The following RPS6KC1 variants were observed in gnomAD, a reference collection of about 807,000 sequenced individuals.
The protein encoded by RPS6KC1 is inactive ribosomal protein S6 kinase delta-1.
Under a neutral mutation model 103.8 loss-of-function variants are expected in RPS6KC1, and 54 were observed. That is an observed-to-expected ratio of 0.52 (90% confidence interval 0.42 to 0.65). The LOEUF is 0.65. Among genes scored for constraint, RPS6KC1 ranks in the 30% least tolerant of loss-of-function variants. The pLI is 0.00. For synonymous variants in RPS6KC1, 439 were observed against 438.7 expected (o/e 1.00, Z -0.01); for missense variants, 1,151 against 1,253.8 (o/e 0.92, Z 1.24).
the RPS6KC1 span, among the ~76,000 whole-genome samples, chr1:213,617,124 C>T: frequency 6.6e-6 from 1 of 152,152 alleles, no homozygotes; most frequent in African/African-American, 2.4e-5. Context: ...CCCCTATCTC[C>T]TAAGACAAAA....
chr1:213,762,178 G>A, the RPS6KC1 span, among the ~76,000 whole-genome samples: 1 of 152,192 alleles, frequency 6.6e-6, no homozygotes, highest in Admixed American at 6.5e-5. Context: ...CCTTGCATAA[G>A]CAGTGCCCTC....
At chr1:213,397,355 T>C in the RPS6KC1 span, among the ~76,000 whole-genome samples, 921 of 152,230 alleles carry the variant, frequency 6.1e-3, 9 homozygotes, top group African/African-American at 0.021. Context: ...TTCAAAGGAC[T>C]CTCTTGGCAC....
chr1:213,496,499 C>T, the RPS6KC1 span, among the ~76,000 whole-genome samples: 111 of 152,182 alleles, frequency 7.3e-4, no homozygotes, highest in Non-Finnish European at 9.7e-4. Flanking sequence ...GACTCACTCC[C>T]GTAATCTTAG....
At chr1:213,117,278 CTT>C (rs1264248085) in intron 4 of RPS6KC1, 37 bp from the exon 5 acceptor site, 1 of 1,218,660 alleles carries the variant, frequency 8.2e-7, no homozygotes. Context: ...TGTTTATGCT[CTT>C]AATGCTAATG....
chr1:213,375,830 C>T, the RPS6KC1 span, among the ~76,000 whole-genome samples: 1 of 152,220 alleles, frequency 6.6e-6, no homozygotes, highest in Non-Finnish European at 1.5e-5. Context: ...GCCTCCTCCC[C>T]GCTCTACTTT....
the RPS6KC1 span, among the ~76,000 whole-genome samples, chr1:213,394,069 T>C: frequency 6.6e-6 from 1 of 151,900 alleles, no homozygotes; most frequent in Admixed American, 6.6e-5. Flanking sequence ...CTGAGGAGGA[T>C]GAAGGGGTGT....
the RPS6KC1 span, among the ~76,000 whole-genome samples, chr1:213,855,536 T>A: frequency 6.6e-6 from 1 of 152,230 alleles, no homozygotes; most frequent in African/African-American, 2.4e-5. Flanking sequence ...TAGCCTAGCA[T>A]CTGTCCTTGG....
At chr1:213,660,629 A>G in the RPS6KC1 span, among the ~76,000 whole-genome samples, 1 of 152,252 alleles carries the variant, frequency 6.6e-6, no homozygotes, top group Non-Finnish European at 1.5e-5. Context: ...TAATTCAAAT[A>G]CACCCAAAGC....
At chr1:213,486,572 T>G in the RPS6KC1 span, among the ~76,000 whole-genome samples, 9 of 152,276 alleles carry the variant, frequency 5.9e-5, no homozygotes, top group Admixed American at 1.3e-4. Context: ...AACCTCTCTG[T>G]TCATCAAGAT....
chr1:213,231,940 C>T (rs77357910), intron 9 of RPS6KC1, among the ~76,000 whole-genome samples, 183 bp from the exon 10 acceptor site: 3,375 of 152,288 alleles, frequency 0.022, 120 homozygotes, highest in African/African-American at 0.077. Flanking sequence ...TCTGGATTCA[C>T]GCCAGATGCC....
the RPS6KC1 span, among the ~76,000 whole-genome samples, chr1:213,471,118 A>G: frequency 1.8e-4 from 27 of 152,288 alleles, no homozygotes; most frequent in African/African-American, 6.3e-4. Flanking sequence ...AGGAAATCAT[A>G]GATTCATTCT....
At chr1:213,483,398 ATTTG>A in the RPS6KC1 span, among the ~76,000 whole-genome samples, 3 of 152,164 alleles carry the variant, frequency 2.0e-5, no homozygotes, top group Admixed American at 2.0e-4. Context: ...ATATAACACA[ATTTG>A]TTTATTTATT....
At chr1:213,218,279 A>G (rs1371444022) in intron 8 of RPS6KC1, among the ~76,000 whole-genome samples, 1 of 152,176 alleles carries the variant, frequency 6.6e-6, no homozygotes, top group Non-Finnish European at 1.5e-5. Context: ...AATTGCTTCA[A>G]AGAGATTAAA....
intron 3 of RPS6KC1, among the ~76,000 whole-genome samples, chr1:213,091,514 G>T (rs577010704): frequency 6.6e-6 from 1 of 152,224 alleles, no homozygotes; most frequent in South Asian, 2.1e-4. Context: ...CAATCCGTTG[G>T]TCTGTCTTAG....
the RPS6KC1 span, among the ~76,000 whole-genome samples, chr1:213,350,504 G>A: frequency 6.6e-6 from 1 of 152,096 alleles, no homozygotes; most frequent in Non-Finnish European, 1.5e-5. Context: ...GCCTCTGAGA[G>A]TGTTAGAATC....
the RPS6KC1 span, among the ~76,000 whole-genome samples, chr1:213,755,396 C>T: frequency 0.2 from 30,391 of 152,186 alleles, 3,460 homozygotes; most frequent in Admixed American, 0.31. Flanking sequence ...ATAAATCCAC[C>T]ATGTCCTGCC....
intron 2 of RPS6KC1, among the ~76,000 whole-genome samples, chr1:213,074,462 T>A (rs1014798661): frequency 6.6e-6 from 1 of 152,236 alleles, no homozygotes; most frequent in Non-Finnish European, 1.5e-5. Context: ...CTGAGGACTT[T>A]GTGTAGTCCA....
the RPS6KC1 span, among the ~76,000 whole-genome samples, chr1:213,643,967 C>T: frequency 1.5e-4 from 23 of 151,858 alleles, no homozygotes; most frequent in South Asian, 6.2e-4. Context: ...TAAACCATAC[C>T]GCGTCATGAT....
the RPS6KC1 span, among the ~76,000 whole-genome samples, chr1:213,658,417 A>T: frequency 6.6e-6 from 1 of 152,306 alleles, no homozygotes; most frequent in East Asian, 1.9e-4. Context: ...AAGAGCGAGC[A>T]CTGAGGGGGC....
Sources: gnomAD v4.1 joint callset for allele counts (sites outside exome capture counted in the v4.1 genomes callset) on GRCh38, gnomAD v4.1.1 for gene constraint, MANE v1.5 for transcripts, NCBI Gene and HGNC (gene_info 2026-07-23, HGNC 2026-07-21) for gene names.